Variants in CYBRD1 observed in about 807,000 individuals in gnomAD.
The protein encoded by CYBRD1 is plasma membrane ascorbate-dependent reductase CYBRD1.
A neutral mutation model predicts 21.9 loss-of-function variants in CYBRD1; 14 were observed. The ratio of observed to expected loss-of-function variants is 0.64; its 90% CI spans 0.42 to 1.00. The LOEUF is 1.00. Ranked by LOEUF, CYBRD1 falls within the 50% of genes least tolerant of loss-of-function variation. The pLI is 0.00. For missense variants in CYBRD1, 328 were observed against 352.5 expected (o/e 0.93, Z 0.56); for synonymous variants, 146 against 136.5 (o/e 1.07, Z -0.48).
At chr2:171,537,533 T>C (rs1697562279) in intron 1 of CYBRD1, among the ~76,000 whole-genome samples, 1 of 152,072 alleles carries the variant, frequency 6.6e-6, no homozygotes, top group Admixed American at 6.6e-5. Context: ...TAGTGAAATC[T>C]GAATAAGGGA....
At chr2:171,537,013 C>G (rs1697555745) in intron 1 of CYBRD1, among the ~76,000 whole-genome samples, 1 of 152,118 alleles carries the variant, frequency 6.6e-6, no homozygotes, top group Non-Finnish European at 1.5e-5. Context: ...GGACAAACTA[C>G]TTAACCTCTC....
At chr2:171,522,368 G>A, upstream of CYBRD1, 1 of 1,499,552 alleles carries the variant, frequency 6.7e-7, no homozygotes. The surrounding 1 kb of genome is among the most constrained non-coding windows in gnomAD (Gnocchi z 4.3). Context: ...GTTGGGGCCA[G>A]CTCCCCACCC....
chr2:171,545,264 G>A (rs978907582), intron 2 of CYBRD1, among the ~76,000 whole-genome samples: 6 of 151,796 alleles, frequency 4.0e-5, no homozygotes, highest in South Asian at 2.1e-4. Flanking sequence ...GTACAGATGC[G>A]TCACATTTCC....
chr2:171,553,096 A>T (rs1683405473), intron 2 of CYBRD1, among the ~76,000 whole-genome samples: 1 of 152,220 alleles, frequency 6.6e-6, no homozygotes, highest in Non-Finnish European at 1.5e-5. Context: ...TTTCCAAGAT[A>T]TTCTGTTAAG....
chr2:171,523,277 A>G (rs1416407574), intron 1 of CYBRD1: 3 of 432,118 alleles, frequency 6.9e-6, no homozygotes, highest in Non-Finnish European at 1.4e-5. Flanking sequence ...TGCCGGAGCG[A>G]GAATTTGCCC....
chr2:171,526,494 T>C (rs1225517176), intron 1 of CYBRD1, among the ~76,000 whole-genome samples: 2 of 151,828 alleles, frequency 1.3e-5, no homozygotes, highest in African/African-American at 4.8e-5. Context: ...AATATGTATA[T>C]ATTCTAAATT....
At chr2:171,523,242 GA>G (rs1190670681) in intron 1 of CYBRD1, 4 of 423,776 alleles carry the variant, frequency 9.4e-6, no homozygotes, top group African/African-American at 8.6e-5. Flanking sequence ...TGCAGATGAG[GA>G]GGGGAAGGCA....
chr2:171,544,468 T>C (rs1267449087), intron 2 of CYBRD1, among the ~76,000 whole-genome samples: 1 of 152,232 alleles, frequency 6.6e-6, no homozygotes, highest in Non-Finnish European at 1.5e-5. Flanking sequence ...TCTTATGCTT[T>C]CTACTAAGAG....
chr2:171,546,500 TC>T (rs1382103691), intron 2 of CYBRD1, among the ~76,000 whole-genome samples: 8 of 152,188 alleles, frequency 5.3e-5, no homozygotes, highest in Admixed American at 1.3e-4. Context: ...GCATTTTTTG[TC>T]ATTGCAATTT....
chr2:171,537,681 G>T (rs1697565479), intron 1 of CYBRD1, among the ~76,000 whole-genome samples: 1 of 152,182 alleles, frequency 6.6e-6, no homozygotes, highest in African/African-American at 2.4e-5. Flanking sequence ...AGAAAACTGG[G>T]TGAAGAGTAT....
intron 1 of CYBRD1, among the ~76,000 whole-genome samples, chr2:171,527,510 C>T (rs1319328360): frequency 6.6e-6 from 1 of 152,178 alleles, no homozygotes; most frequent in East Asian, 1.9e-4. Context: ...AACACACCCT[C>T]GCTTTTCCCT....
rs371379394 is a variant in CYBRD1, at chr2:171,541,717, A to G, written c.326A>G (p.Asn109Ser). Residue 109 changes from asparagine to serine, a missense_variant, in exon 2 of 4, where the codon AAT (asparagine) becomes AGT (serine). Asn to Ser is a conservative substitution (Grantham distance 46). Coordinates refer to ENST00000321348, the MANE Select transcript of CYBRD1 (RefSeq NM_024843.4). ...ISVVAVFENH[N>S]VNNIANMYSL... Reference sequence around the variant, plus strand: ...GTGGTGGCCGTGTTTGAGAACCACAATGTTAACAATATAGCCAATATGTAC... The same window carrying G: ...GTGGTGGCCGTGTTTGAGAACCACAGTGTTAACAATATAGCCAATATGTAC... 10 of 1,613,634 alleles carry G rather than the reference A, an allele frequency of 6.2e-6. No individual in the cohort carries two copies. Among genetic ancestry groups the G allele is most frequent in the Middle Eastern group, 1.6e-4 (1 of 6,082 alleles).
chr2:171,544,659 C>G (rs1697683367), intron 2 of CYBRD1, among the ~76,000 whole-genome samples: 2 of 152,172 alleles, frequency 1.3e-5, no homozygotes, highest in African/African-American at 4.8e-5. Context: ...GGTAAACTAT[C>G]TTCCCATCAC....
At chr2:171,532,262 A>G (rs978522933) in intron 1 of CYBRD1, among the ~76,000 whole-genome samples, 9 of 152,240 alleles carry the variant, frequency 5.9e-5, no homozygotes, top group Non-Finnish European at 1.2e-4. Flanking sequence ...GTGAAATAAT[A>G]CTTTATTCAA....
intron 1 of CYBRD1, among the ~76,000 whole-genome samples, chr2:171,530,893 A>C (rs994081364): frequency 5.9e-5 from 9 of 152,140 alleles, no homozygotes; most frequent in African/African-American, 2.2e-4. Flanking sequence ...AGAAAGATAG[A>C]GGGCCAGGCA....
At chr2:171,539,544 A>G (rs748915767) in intron 1 of CYBRD1, among the ~76,000 whole-genome samples, 10 of 152,120 alleles carry the variant, frequency 6.6e-5, no homozygotes, top group Non-Finnish European at 1.3e-4. Flanking sequence ...TATTCTATAA[A>G]CTTTTTCAAT....
intron 1 of CYBRD1, among the ~76,000 whole-genome samples, chr2:171,531,877 A>AT (rs1343697528): frequency 6.6e-6 from 1 of 152,086 alleles, no homozygotes; most frequent in African/African-American, 2.4e-5. Flanking sequence ...AATTAATTGA[A>AT]TTTTTTTCTT....
At chr2:171,525,399 CA>C (rs1697369777) in intron 1 of CYBRD1, among the ~76,000 whole-genome samples, 1 of 152,160 alleles carries the variant, frequency 6.6e-6, no homozygotes, top group Admixed American at 6.5e-5. Flanking sequence ...TACATGTAGG[CA>C]CATGTATAGT....
rs567386891 is a variant in CYBRD1, at chr2:171,556,830, G to A, written c.*2003G>A. 2.0e-5 allele frequency: 3 copies of A among 152,174 alleles called. No homozygotes were observed. Among genetic ancestry groups the A allele is most frequent in the African/African-American group, 7.2e-5 (3 of 41,442 alleles). The allele number at this position is 152,174 out of a possible 1,614,324, so 9.4% of individuals were successfully genotyped here. On this transcript the variant is annotated 3_prime_UTR_variant, in exon 4 of 4. Transcript: ENST00000321348. The stretch of plus-strand genomic sequence containing the variant: ...GTGCCATAGAAGGAGTAGTTGCATA[G>A]TCACACATCATTTGATAAGTTGGAT...
Sources: allele counts gnomAD v4.1 joint callset (sites outside exome capture counted in the v4.1 genomes callset), GRCh38; gene constraint gnomAD v4.1.1; non-coding constraint Gnocchi (gnomAD v3.1); transcripts MANE v1.5; gene names NCBI Gene and HGNC (gene_info 2026-07-23, HGNC 2026-07-21).